ADGRB3: variants seen among roughly 807,000 people sequenced by gnomAD.
ADGRB3 encodes the protein adhesion G protein-coupled receptor B3, also known as brain-specific angiogenesis inhibitor 3.
ADGRB3 carries 37 observed loss-of-function variants against 193.4 expected under a neutral mutation model. The observed-to-expected ratio is 0.19, with a 90% CI of 0.15 to 0.25. The LOEUF (loss-of-function observed/expected upper bound fraction) is 0.25. Among genes scored for constraint, ADGRB3 ranks in the 10% least tolerant of loss-of-function variants. The pLI is 1.00. For missense variants in ADGRB3, 1,637 were observed against 1,852.9 expected (o/e 0.88, Z 2.14); for synonymous variants, 690 against 644.2 (o/e 1.07, Z -1.08).
chr6:68,816,482 A>T (rs915954947), intron 3 of ADGRB3, among the ~76,000 whole-genome samples: 1 of 152,042 alleles, frequency 6.6e-6, no homozygotes, highest in Admixed American at 6.6e-5. Flanking sequence ...TTTTCTCCTT[A>T]TTCTAATTAG....
chr6:68,993,282 G>T (rs1438161667), intron 10 of ADGRB3, among the ~76,000 whole-genome samples: 1 of 151,858 alleles, frequency 6.6e-6, no homozygotes, highest in Non-Finnish European at 1.5e-5. Flanking sequence ...GTAAATTTGT[G>T]CTGCTAATAA....
intron 20 of ADGRB3, among the ~76,000 whole-genome samples, chr6:69,312,123 T>A (rs1409182101): frequency 6.6e-6 from 1 of 151,594 alleles, no homozygotes; most frequent in East Asian, 2.0e-4. Context: ...CACAGGAATC[T>A]CACTCTTTCC....
intron 17 of ADGRB3, among the ~76,000 whole-genome samples, chr6:69,216,983 A>G (rs1765783452): frequency 6.6e-6 from 1 of 152,186 alleles, no homozygotes; most frequent in African/African-American, 2.4e-5. Context: ...GAAACTGGGA[A>G]GGGGCTTATT....
chr6:69,081,973 C>T (rs1049177326), intron 17 of ADGRB3, among the ~76,000 whole-genome samples: 1 of 152,060 alleles, frequency 6.6e-6, no homozygotes, highest in African/African-American at 2.4e-5. Context: ...CTCACCTTGT[C>T]CATCTAACAT....
At chr6:68,990,673 A>T (rs1769214146) in intron 10 of ADGRB3, among the ~76,000 whole-genome samples, 3 of 152,100 alleles carry the variant, frequency 2.0e-5, no homozygotes, top group Admixed American at 2.0e-4. Flanking sequence ...AGCATGTCTA[A>T]ATGTTTTATT....
At chr6:69,347,040 G>A (rs530492047) in intron 26 of ADGRB3, among the ~76,000 whole-genome samples, 1 of 152,198 alleles carries the variant, frequency 6.6e-6, no homozygotes, top group Admixed American at 6.5e-5. Context: ...AAAAAGGATG[G>A]TTTCATTTCC....
chr6:69,232,978 C>T, intron 17 of ADGRB3: 1 of 433,626 alleles, frequency 2.3e-6, no homozygotes, highest in Non-Finnish European at 4.1e-6. Context: ...GCTCTGGCGG[C>T]TGCTCGTGCT....
chr6:68,685,994 G>A (rs531800971), intron 3 of ADGRB3, among the ~76,000 whole-genome samples: 12 of 152,176 alleles, frequency 7.9e-5, no homozygotes, highest in East Asian at 3.9e-4. Flanking sequence ...GAGTGTTCTC[G>A]GGACTTAACC....
chr6:69,315,062 A>T (rs1768283617), intron 20 of ADGRB3, among the ~76,000 whole-genome samples: 1 of 151,488 alleles, frequency 6.6e-6, no homozygotes, highest in African/African-American at 2.4e-5. Flanking sequence ...ATTTAATATA[A>T]TTTTTGTTTA....
chr6:68,995,245 T>G (rs1335756479), intron 11 of ADGRB3, among the ~76,000 whole-genome samples: 2 of 152,220 alleles, frequency 1.3e-5, no homozygotes, highest in African/African-American at 2.4e-5. Flanking sequence ...CCTGCAGTTC[T>G]GAAATGCTTC....
intron 20 of ADGRB3, among the ~76,000 whole-genome samples, chr6:69,295,184 A>G (rs2127294126): frequency 6.6e-6 from 1 of 152,306 alleles, no homozygotes; most frequent in African/African-American, 2.4e-5. Context: ...TGATCTTTGA[A>G]TCCATATCTA....
intron 3 of ADGRB3, among the ~76,000 whole-genome samples, chr6:68,817,785 A>G (rs1198546827): frequency 6.6e-6 from 1 of 152,060 alleles, no homozygotes; most frequent in Non-Finnish European, 1.5e-5. Flanking sequence ...GGGGCAACTA[A>G]AAACAGTGGT....
At chr6:69,120,817 G>C (rs1422903958) in intron 17 of ADGRB3, among the ~76,000 whole-genome samples, 1 of 152,098 alleles carries the variant, frequency 6.6e-6, no homozygotes, top group Non-Finnish European at 1.5e-5. Flanking sequence ...AGGTAATAAA[G>C]ATGACTATCA....
intron 17 of ADGRB3, among the ~76,000 whole-genome samples, chr6:69,182,602 C>T (rs1198698144): frequency 6.6e-6 from 1 of 151,912 alleles, no homozygotes; most frequent in Non-Finnish European, 1.5e-5. Flanking sequence ...TATTTTTTCC[C>T]TTATTTTTTT....
chr6:69,365,402 A>G (rs1023461670), intron 29 of ADGRB3, among the ~76,000 whole-genome samples: 1 of 151,968 alleles, frequency 6.6e-6, no homozygotes, highest in Non-Finnish European at 1.5e-5. Flanking sequence ...CTCTCTTTGT[A>G]TCTGTCCAGC....
rs564946885 is a variant in ADGRB3, at chr6:69,345,675, T to C, written c.3459+6171T>C. 2.5e-4 allele frequency among the ~76,000 whole-genome samples: 38 copies of C among 152,236 alleles called. No individual in the cohort carries two copies. The South Asian group carries it at 3.5e-3, about 14-fold the overall frequency. ...ACTGAATGGGCAAAAGCTGGAAGCA[T>C]TCCCTTTGAAAACTGGCACTAGATA... On this transcript the variant is annotated intron_variant, in intron 26 of 31. Transcript: ENST00000370598.
intron 17 of ADGRB3, among the ~76,000 whole-genome samples, chr6:69,152,581 C>T (rs994190726): frequency 6.6e-6 from 1 of 152,038 alleles, no homozygotes; most frequent in Non-Finnish European, 1.5e-5. Context: ...TCTATGTGTC[C>T]CAAGTCAGTC....
At chr6:68,842,301 A>C (rs1768174436) in intron 3 of ADGRB3, among the ~76,000 whole-genome samples, 1 of 151,962 alleles carries the variant, frequency 6.6e-6, no homozygotes, top group Admixed American at 6.6e-5. Flanking sequence ...AAAAAAATCC[A>C]AATAAATAAA....
At chr6:68,719,475 G>A (rs918443804) in intron 3 of ADGRB3, among the ~76,000 whole-genome samples, 9 of 151,886 alleles carry the variant, frequency 5.9e-5, no homozygotes, top group African/African-American at 2.2e-4. Flanking sequence ...AGCATACAAT[G>A]AGAGTGAGAG....
Sources: gnomAD v4.1 joint callset for allele counts (sites outside exome capture counted in the v4.1 genomes callset) on GRCh38, gnomAD v4.1.1 for gene constraint, MANE v1.5 for transcripts, NCBI Gene and HGNC (gene_info 2026-07-23, HGNC 2026-07-21) for gene names.